RTN4: variants seen among roughly 807,000 people sequenced by gnomAD.
RTN4 encodes reticulon-4.
Under a neutral mutation model 90.4 loss-of-function variants are expected in RTN4, and 32 were observed. The ratio of observed to expected loss-of-function variants is 0.35; its 90% confidence interval spans 0.27 to 0.48. The LOEUF (loss-of-function observed/expected upper bound fraction) is 0.48. RTN4 is among the 20% of genes least tolerant of loss of function. RTN4 has a pLI of 0.99. For missense variants in RTN4, 1,706 were observed against 1,430.2 expected (o/e 1.19, Z -3.11); for synonymous variants, 629 against 552.5 (o/e 1.14, Z -1.94).
intron 1 of RTN4, among the ~76,000 whole-genome samples, chr2:55,037,053 C>T (rs763963061): frequency 5.9e-5 from 9 of 152,088 alleles, no homozygotes; most frequent in Non-Finnish European, 1.0e-4. Context: ...AGGATAGATG[C>T]AAAGACAGTA....
At chr2:55,079,828 G>T (rs894136516) in intron 2 of RTN4, among the ~76,000 whole-genome samples, 4 of 152,186 alleles carry the variant, frequency 2.6e-5, no homozygotes, top group Admixed American at 2.6e-4. Flanking sequence ...AACTAGTACA[G>T]CATACTATAG....
At position 55,109,001 on chromosome 2, in the gene RTN4, C is replaced by G. The variant is rs542327789; in HGVS notation, c.-214+3519G>C. Among the ~76,000 whole-genome samples, 16 of 152,090 alleles carry G rather than the reference C, an allele frequency of 1.1e-4. 1 individual carries two copies. Among genetic ancestry groups the G allele is most frequent in the South Asian group, 2.1e-4 (1 of 4,834 alleles). ...CAGCGTTTCCAAGTGACAGCAGGCT[C>G]AGCTGGACACGTCTCCAAGTACAAT... On this transcript the variant is annotated intron_variant, in intron 1 of 3. Transcript: ENST00000427710.
chr2:55,042,404 G>A (rs534227047), intron 1 of RTN4, among the ~76,000 whole-genome samples: 2 of 152,022 alleles, frequency 1.3e-5, no homozygotes, highest in South Asian at 4.2e-4. Context: ...CATCAATAAG[G>A]GACTGATTAA....
chr2:55,113,097 GAGA>G (rs1248057445), upstream of RTN4, among the ~76,000 whole-genome samples: 1 of 152,204 alleles, frequency 6.6e-6, no homozygotes, highest in Admixed American at 6.5e-5. Flanking sequence ...GCACTGGTGT[GAGA>G]AGGAGGAAGA....
At chr2:55,124,257 C>T in the RTN4 span, among the ~76,000 whole-genome samples, 5 of 152,152 alleles carry the variant, frequency 3.3e-5, no homozygotes, top group African/African-American at 9.7e-5. Context: ...GTATTGAGGC[C>T]CCAACAACCA....
intron 1 of RTN4, among the ~76,000 whole-genome samples, chr2:55,092,461 C>T (rs1343955264): frequency 6.6e-6 from 1 of 152,054 alleles, no homozygotes. Context: ...CTCAAACTCC[C>T]AACCTCAGGT....
intron 3 of RTN4, among the ~76,000 whole-genome samples, chr2:55,020,913 C>G (rs1459780455): frequency 1.3e-5 from 2 of 152,012 alleles, no homozygotes; most frequent in Non-Finnish European, 2.9e-5. Flanking sequence ...TGAGGACCAC[C>G]TGACCCTGGG....
chr2:55,081,851 A>G (rs1228075862), intron 1 of RTN4, among the ~76,000 whole-genome samples: 2 of 108,886 alleles, frequency 1.8e-5, no homozygotes, highest in Non-Finnish European at 3.6e-5. Context: ...CAACAGAGCC[A>G]GACCCTGTCT....
chr2:55,040,765 G>A (rs1558842307), intron 1 of RTN4, among the ~76,000 whole-genome samples: 1 of 150,020 alleles, frequency 6.7e-6, no homozygotes, highest in African/African-American at 2.5e-5. Flanking sequence ...CATCTTTCTT[G>A]TCCTCTTACT....
chr2:55,028,107 A>G (rs1008497755), intron 2 of RTN4, 57 bp downstream of exon 2: 14 of 1,475,832 alleles, frequency 9.5e-6, no homozygotes, highest in Non-Finnish European at 1.3e-5. Flanking sequence ...GTGTTAACAC[A>G]CTAAAGAGTT....
intron 1 of RTN4, among the ~76,000 whole-genome samples, chr2:55,086,313 T>A (rs1279124156): frequency 6.6e-6 from 1 of 152,090 alleles, no homozygotes; most frequent in Non-Finnish European, 1.5e-5. Context: ...TACACCTCAA[T>A]AAATTTTCAC....
intron 3 of RTN4, among the ~76,000 whole-genome samples, chr2:54,989,311 A>T (rs1678824664): frequency 6.6e-6 from 1 of 152,196 alleles, no homozygotes; most frequent in Non-Finnish European, 1.5e-5. Flanking sequence ...AACATTCTAT[A>T]TATGATTTCG....
chr2:54,981,765 AATCTT>A (rs2104640116), intron 5 of RTN4, among the ~76,000 whole-genome samples: 1 of 150,968 alleles, frequency 6.6e-6, no homozygotes, highest in Non-Finnish European at 1.5e-5. Context: ...CAGAATATTA[AATCTT>A]ATCTAGAATA....
intron 2 of RTN4, among the ~76,000 whole-genome samples, chr2:55,076,398 T>C (rs1668600785): frequency 3.0e-5 from 4 of 132,196 alleles, no homozygotes; most frequent in Admixed American, 2.3e-4. Context: ...TCTTTTTTTT[T>C]TTTTTTTTTT....
chr2:55,037,529 T>C (rs879873781), intron 1 of RTN4, among the ~76,000 whole-genome samples: 14 of 152,188 alleles, frequency 9.2e-5, no homozygotes, highest in East Asian at 1.9e-4. Context: ...TGTTGCTCCA[T>C]GTGAAATGGA....
chr2:55,119,729 C>A, the RTN4 span, among the ~76,000 whole-genome samples: 2 of 152,152 alleles, frequency 1.3e-5, no homozygotes, highest in East Asian at 3.9e-4. Flanking sequence ...CCCAGGGCAA[C>A]CTTGCTCCCA....
At chr2:55,061,992 C>T (rs1267200246) in intron 2 of RTN4, among the ~76,000 whole-genome samples, 6 of 152,076 alleles carry the variant, frequency 3.9e-5, no homozygotes, top group Non-Finnish European at 7.4e-5. Flanking sequence ...AACACACAAG[C>T]GGTTGGATTT....
the RTN4 span, among the ~76,000 whole-genome samples, chr2:55,137,561 G>T: frequency 6.6e-6 from 1 of 152,086 alleles, no homozygotes; most frequent in East Asian, 1.9e-4. Flanking sequence ...AATCACGGCG[G>T]CTGCTGCTCC....
rs1382074236 is a variant in RTN4 at position 55,079,480 on chromosome 2, T to G, written c.-63+1009A>C. 2.0e-5 allele frequency among the ~76,000 whole-genome samples: 3 copies of G among 152,072 alleles called. No homozygotes were observed. In the East Asian group the frequency reaches 5.8e-4, roughly 29 times the overall value. On this transcript the variant is annotated intron_variant, in intron 2 of 3. Coordinates refer to the RTN4 transcript ENST00000427710. ...ACAGGGAGAGCAAGGAAAGCACACA[T>G]GTCAGGTAAAGTGGCAGAAGACGAT...
Sources: allele counts gnomAD v4.1 joint callset (sites outside exome capture counted in the v4.1 genomes callset), GRCh38; gene constraint gnomAD v4.1.1; transcripts MANE v1.5; gene names NCBI Gene and HGNC (gene_info 2026-07-23, HGNC 2026-07-21).